Variants in FSTL5 observed in about 807,000 individuals in gnomAD.
FSTL5 encodes the protein follistatin-related protein 5.
FSTL5 carries 62 observed loss-of-function variants against 89.1 expected under a neutral mutation model. The observed-to-expected ratio is 0.70, with a 90% CI of 0.57 to 0.86. FSTL5 has a LOEUF of 0.86. Among genes scored for constraint, FSTL5 ranks in the 40% least tolerant of loss-of-function variants. FSTL5 has a pLI of 0.00. For missense variants in FSTL5, 1,057 were observed against 1,001.6 expected (o/e 1.06, Z -0.75); for synonymous variants, 383 against 346.2 (o/e 1.11, Z -1.18).
intron 6 of FSTL5, among the ~76,000 whole-genome samples, chr4:161,718,650 C>T (rs1334761814): frequency 1.3e-5 from 2 of 152,014 alleles, no homozygotes; most frequent in Non-Finnish European, 2.9e-5. Flanking sequence ...GGATGGTCTC[C>T]ATCTCCTGAC....
intron 6 of FSTL5, among the ~76,000 whole-genome samples, chr4:161,735,297 C>G (rs542783688): frequency 3.9e-4 from 59 of 152,126 alleles, no homozygotes; most frequent in Non-Finnish European, 6.8e-4. Context: ...CACCACTCCC[C>G]AGGAACATTC....
chr4:162,141,861 G>A (rs7376069), intron 1 of FSTL5, among the ~76,000 whole-genome samples: 70 of 90,098 alleles, frequency 7.8e-4, no homozygotes, highest in South Asian at 2.2e-3. Flanking sequence ...CTGAGGAAGT[G>A]TACACAGGTA....
intron 3 of FSTL5, among the ~76,000 whole-genome samples, chr4:161,939,529 G>A (rs182708924): frequency 4.0e-5 from 6 of 151,858 alleles, no homozygotes; most frequent in East Asian, 1.9e-4. Flanking sequence ...GCTGATTCTC[G>A]TGCACTTTGC....
intron 15 of FSTL5, among the ~76,000 whole-genome samples, chr4:161,444,660 A>G (rs879833870): frequency 1.3e-5 from 2 of 151,848 alleles, no homozygotes; most frequent in Non-Finnish European, 2.9e-5. Flanking sequence ...ATAGGCACAA[A>G]AATATGGTGT....
intron 3 of FSTL5, among the ~76,000 whole-genome samples, chr4:162,012,507 A>G (rs1236602171): frequency 6.6e-6 from 1 of 152,206 alleles, no homozygotes; most frequent in Non-Finnish European, 1.5e-5. Context: ...ATTCAACCGT[A>G]TTTCAAAACA....
chr4:161,999,523 T>A (rs1021776068), intron 3 of FSTL5, among the ~76,000 whole-genome samples: 1 of 152,166 alleles, frequency 6.6e-6, no homozygotes, highest in Non-Finnish European at 1.5e-5. Context: ...CTCTTTTTAA[T>A]TGACTATGTA....
intron 8 of FSTL5, among the ~76,000 whole-genome samples, chr4:161,576,764 T>C (rs1317942460): frequency 6.6e-6 from 1 of 152,212 alleles, no homozygotes; most frequent in Non-Finnish European, 1.5e-5. Flanking sequence ...TCTAGTATCA[T>C]AATTGAGATA....
chr4:162,117,527 G>A (rs2111423648), intron 1 of FSTL5, among the ~76,000 whole-genome samples: 1 of 152,274 alleles, frequency 6.6e-6, no homozygotes, highest in East Asian at 1.9e-4. Context: ...GACAGGAGAA[G>A]GATGTGATTA....
chr4:161,992,952 C>G (rs7435306), intron 3 of FSTL5, among the ~76,000 whole-genome samples: 150 of 7,446 alleles, frequency 0.02, 3 homozygotes, highest in African/African-American at 0.054. Flanking sequence ...GTGTGTATAT[C>G]TATATATATA....
chr4:161,499,970 A>C lies in FSTL5; in HGVS notation c.1458+46T>G. The C allele has an allele frequency of 5.4e-6, 6 of 1,104,920 alleles. 1 individual carries two copies. The South Asian group carries it at 7.7e-5, about 14-fold the overall frequency. The allele number at this position is 1,104,920 out of a possible 1,614,324, so 68.4% of individuals were successfully genotyped here. On this transcript the variant is annotated intron_variant, in intron 12 of 15. Coordinates refer to ENST00000306100, the MANE Select transcript of FSTL5 (RefSeq NM_020116.5). ...TATTTCCAAAACGTAATTCTACTTAACAAAATTTCTGCATAAAACGTCAAA... is the reference window on the plus strand; with the variant it reads ...TATTTCCAAAACGTAATTCTACTTACCAAAATTTCTGCATAAAACGTCAAA...
At chr4:161,694,842 CTTTTTT>C (rs34276732) in intron 6 of FSTL5, among the ~76,000 whole-genome samples, 59 of 106,200 alleles carry the variant, frequency 5.6e-4, no homozygotes, top group Admixed American at 5.0e-3. Context: ...TTCTAAATGC[CTTTTTT>C]TTTTTTTTTT....
chr4:161,555,289 T>A (rs1732350688), intron 8 of FSTL5, among the ~76,000 whole-genome samples: 1 of 151,518 alleles, frequency 6.6e-6, no homozygotes, highest in Admixed American at 6.6e-5. Flanking sequence ...TTTTTAATCC[T>A]CAATTTCAAA....
At chr4:161,631,595 C>T (rs1403642356) in intron 7 of FSTL5, among the ~76,000 whole-genome samples, 3 of 152,024 alleles carry the variant, frequency 2.0e-5, no homozygotes, top group Admixed American at 6.6e-5. Context: ...CCAGACTGGA[C>T]GAAATAGTGA....
At chr4:161,693,829 G>A (rs752006774) in intron 6 of FSTL5, among the ~76,000 whole-genome samples, 3 of 151,572 alleles carry the variant, frequency 2.0e-5, no homozygotes, top group East Asian at 3.9e-4. Flanking sequence ...TAGTAGAGAC[G>A]GGTTTTCGCC....
At chr4:161,732,952 T>C (rs1347717241) in intron 6 of FSTL5, among the ~76,000 whole-genome samples, 1 of 151,880 alleles carries the variant, frequency 6.6e-6, no homozygotes, top group Non-Finnish European at 1.5e-5. Flanking sequence ...TTTTTTAAAA[T>C]AACTTTGGTT....
At chr4:161,800,722 C>T (rs1031504474) in intron 4 of FSTL5, among the ~76,000 whole-genome samples, 1 of 151,410 alleles carries the variant, frequency 6.6e-6, no homozygotes, top group African/African-American at 2.4e-5. Flanking sequence ...TGTTTTAATT[C>T]AGAAAGTACC....
intron 2 of FSTL5, among the ~76,000 whole-genome samples, chr4:162,095,745 A>G (rs1429555588): frequency 2.6e-5 from 4 of 152,000 alleles, no homozygotes; most frequent in Non-Finnish European, 4.4e-5. Flanking sequence ...TGGAGAACAC[A>G]TAGTTACTTA....
At chr4:161,573,754 A>G (rs1000336136) in intron 8 of FSTL5, among the ~76,000 whole-genome samples, 4 of 135,462 alleles carry the variant, frequency 3.0e-5, no homozygotes, top group East Asian at 2.1e-4. Context: ...AAAAAAAAAA[A>G]AAAGAAAAGA....
At chr4:162,049,018 T>C (rs1224141592) in intron 2 of FSTL5, among the ~76,000 whole-genome samples, 1 of 152,194 alleles carries the variant, frequency 6.6e-6, no homozygotes, top group Non-Finnish European at 1.5e-5. Flanking sequence ...ATTTGGATCA[T>C]ATGGTAATTC....
Sources: gnomAD v4.1 joint callset for allele counts (sites outside exome capture counted in the v4.1 genomes callset) on GRCh38, gnomAD v4.1.1 for gene constraint, MANE v1.5 for transcripts, NCBI Gene and HGNC (gene_info 2026-07-23, HGNC 2026-07-21) for gene names.